Variants in ADIPOR2 observed in about 807,000 individuals in gnomAD.
ADIPOR2 encodes adiponectin receptor protein 2.
Under a neutral mutation model 40.9 loss-of-function variants are expected in ADIPOR2, and 18 were observed. The observed-to-expected ratio is 0.44, with a 90% confidence interval of 0.30 to 0.65. ADIPOR2 has a LOEUF of 0.65. Ranked by LOEUF, ADIPOR2 falls within the 30% of genes least tolerant of loss-of-function variation. ADIPOR2 has a pLI of 0.09. For synonymous variants in ADIPOR2, 165 were observed against 166.4 expected (o/e 0.99, Z 0.06); for missense variants, 283 against 479.2 (o/e 0.59, Z 3.82).
intron 4 of ADIPOR2, 147 bp from the exon 5 acceptor site, chr12:1,780,304 T>C: frequency 3.8e-6 from 3 of 797,906 alleles, no homozygotes; most frequent in Non-Finnish European, 5.5e-6. Context: ...CAATTTTGGA[T>C]AGGCTTCAGT....
chr12:1,761,567 G>C (rs902040800), intron 2 of ADIPOR2, among the ~76,000 whole-genome samples: 1 of 152,204 alleles, frequency 6.6e-6, no homozygotes, highest in African/African-American at 2.4e-5. Flanking sequence ...GGTGTGAAAC[G>C]ATATTTCATC....
At chr12:1,706,731 A>C (rs1009323703) in intron 1 of ADIPOR2, among the ~76,000 whole-genome samples, 1 of 152,130 alleles carries the variant, frequency 6.6e-6, no homozygotes, top group Non-Finnish European at 1.5e-5. Flanking sequence ...GTTATCTCCA[A>C]AACCTTCCTC....
In ADIPOR2 at chr12:1,781,093, G is replaced by A. The variant is rs1279949989; in HGVS notation, c.838+17G>A. ...TAAGAGCAGGTAAGAGCACGGGGAG[G>A]TTCTACATTCGACATTCATTTATTC... is the stretch of plus-strand genomic sequence containing the variant. On this transcript the variant is annotated intron_variant, in intron 6 of 7. Transcript: ENST00000357103. 1 of 1,545,992 alleles carries A rather than the reference G, an allele frequency of 6.5e-7. No individual in the cohort carries two copies.
intron 1 of ADIPOR2, among the ~76,000 whole-genome samples, chr12:1,751,685 A>G (rs1221483002): frequency 1.3e-5 from 2 of 150,264 alleles, no homozygotes; most frequent in Admixed American, 6.6e-5. Context: ...CGGCTAATTA[A>G]AAAAATTTTT....
chr12:1,761,732 TCTC>T lies in ADIPOR2; in HGVS notation c.171+7222_171+7224del, dbSNP rs367932803. ...GTTGTGTCAATTTCACTTCAAATGG[TCTC>T]CTCATCATCTGTTCTGCCATTACTT... On this transcript the variant is annotated intron_variant, in intron 2 of 7. Transcript: ENST00000357103. Among the ~76,000 whole-genome samples, 145 of 152,328 alleles carry T rather than the reference TCTC, an allele frequency of 9.5e-4. No individual in the cohort carries two copies. The Middle Eastern group carries it at 0.01, about 11-fold the overall frequency.
chr12:1,706,032 G>GTTT (rs2094661599), intron 1 of ADIPOR2, among the ~76,000 whole-genome samples: 2 of 152,202 alleles, frequency 1.3e-5, no homozygotes, highest in Non-Finnish European at 2.9e-5. Flanking sequence ...CTTGTTCAAA[G>GTTT]TTGTCTTCAG....
At chr12:1,740,502 C>T (rs12301668) in intron 1 of ADIPOR2, among the ~76,000 whole-genome samples, 1 of 151,724 alleles carries the variant, frequency 6.6e-6, no homozygotes, top group Non-Finnish European at 1.5e-5. Context: ...TAGGCCCCCC[C>T]ACCTTGTAAC....
intron 6 of ADIPOR2, among the ~76,000 whole-genome samples, chr12:1,783,637 G>T: frequency 6.6e-6 from 1 of 152,140 alleles, no homozygotes; most frequent in African/African-American, 2.4e-5. Flanking sequence ...GGGATTACAG[G>T]TGTGAGCCAC....
intron 1 of ADIPOR2, among the ~76,000 whole-genome samples, chr12:1,710,548 C>T (rs776848906): frequency 6.6e-5 from 10 of 152,006 alleles, no homozygotes; most frequent in South Asian, 2.1e-4. Context: ...GCAACTAGCG[C>T]GGCCACCGGA....
intron 2 of ADIPOR2, among the ~76,000 whole-genome samples, chr12:1,765,321 C>T (rs544945631): frequency 6.6e-6 from 1 of 152,268 alleles, no homozygotes; most frequent in South Asian, 2.1e-4. Flanking sequence ...TGCATATACA[C>T]TTGCATAATT....
rs930452601 is a variant in ADIPOR2, at chr12:1,788,241, A to C, written c.*2169A>C. ...AATTAACATCACTGATGTGTAATCC[A>C]GTAAAATCTCCCTTTTTCGGGTGTG... On this transcript the variant is annotated 3_prime_UTR_variant, in exon 8 of 8. Transcript: ENST00000357103. The C allele has an allele frequency of 2.6e-5, 4 of 152,696 alleles. No individual in the cohort carries two copies. Among genetic ancestry groups the C allele is most frequent in the Admixed American group, 2.0e-4 (3 of 15,292 alleles). 9.5% of individuals were successfully genotyped at this position (152,696 alleles called of 1,614,324 possible). A position where few individuals can be genotyped will look rare whatever the true frequency, so the allele number is the denominator to read the frequency against.
chr12:1,759,751 G>C (rs1220843542), intron 2 of ADIPOR2, among the ~76,000 whole-genome samples: 1 of 152,078 alleles, frequency 6.6e-6, no homozygotes, highest in Non-Finnish European at 1.5e-5. Flanking sequence ...TCCTGGCCAG[G>C]CGCAGTGGCT....
intron 2 of ADIPOR2, among the ~76,000 whole-genome samples, chr12:1,766,292 GTTT>G (rs1862378848): frequency 6.6e-6 from 1 of 152,194 alleles, no homozygotes; most frequent in South Asian, 2.1e-4. Flanking sequence ...AATAGCTAAT[GTTT>G]ATTGAGTACA....
intron 4 of ADIPOR2, chr12:1,780,228 A>C (rs1862687051): frequency 4.9e-6 from 2 of 410,920 alleles, no homozygotes; most frequent in Non-Finnish European, 8.5e-6. Context: ...ATAAGTTTTT[A>C]TATTCTGTAT....
intron 2 of ADIPOR2, among the ~76,000 whole-genome samples, chr12:1,770,906 T>A (rs1862481220): frequency 6.6e-6 from 1 of 152,090 alleles, no homozygotes; most frequent in Non-Finnish European, 1.5e-5. Flanking sequence ...GAAAATTGGT[T>A]CTTGGTGGGG....
intron 3 of ADIPOR2, among the ~76,000 whole-genome samples, chr12:1,773,516 C>CTT (rs34995304): frequency 1.8e-3 from 225 of 123,708 alleles, no homozygotes; most frequent in East Asian, 6.0e-3. Flanking sequence ...TTATGGGATT[C>CTT]TTTTTTTTTT....
intron 2 of ADIPOR2, among the ~76,000 whole-genome samples, chr12:1,770,829 TAGTC>T (rs1430142748): frequency 6.6e-6 from 1 of 152,252 alleles, no homozygotes; most frequent in Non-Finnish European, 1.5e-5. Flanking sequence ...TCAGAAGAAG[TAGTC>T]AGAAGAAACA....
At chr12:1,772,086 A>G (rs1020231888) in intron 2 of ADIPOR2, among the ~76,000 whole-genome samples, 4 of 152,228 alleles carry the variant, frequency 2.6e-5, no homozygotes, top group Non-Finnish European at 2.9e-5. Flanking sequence ...TATCTAAACC[A>G]GTATGAACCT....
At chr12:1,699,094 A>G (rs1425644473) in intron 1 of ADIPOR2, among the ~76,000 whole-genome samples, 1 of 152,158 alleles carries the variant, frequency 6.6e-6, no homozygotes, top group Non-Finnish European at 1.5e-5. Context: ...ATCACTGATC[A>G]AAAAGAATCT....
Sources: gnomAD v4.1 joint callset for allele counts (sites outside exome capture counted in the v4.1 genomes callset) on GRCh38, gnomAD v4.1.1 for gene constraint, MANE v1.5 for transcripts, NCBI Gene and HGNC (gene_info 2026-07-23, HGNC 2026-07-21) for gene names.